Variants in TRAT1 observed in about 807,000 individuals in gnomAD.
TRAT1 encodes the protein T-cell receptor-associated transmembrane adapter 1.
TRAT1 carries 20 observed loss-of-function variants against 20.0 expected under a neutral mutation model. That is an observed-to-expected ratio of 1.00 (90% CI 0.70 to 1.45). TRAT1 has a LOEUF of 1.45. TRAT1 is among the 40% of genes most tolerant of loss of function. TRAT1 has a pLI of 0.00. For missense variants in TRAT1, 237 were observed against 224.1 expected (o/e 1.06, Z -0.37); for synonymous variants, 77 against 74.2 (o/e 1.04, Z -0.20).
At chr3:108,847,863 A>T (rs902053315) in intron 4 of TRAT1, among the ~76,000 whole-genome samples, 3 of 152,202 alleles carry the variant, frequency 2.0e-5, no homozygotes, top group African/African-American at 7.2e-5. Flanking sequence ...GAACACAGAG[A>T]CATCCAGTAA....
chr3:108,844,857 A>AG (rs1207801542), intron 3 of TRAT1, among the ~76,000 whole-genome samples: 1 of 150,132 alleles, frequency 6.7e-6, no homozygotes, highest in African/African-American at 2.4e-5. Flanking sequence ...AAAAAAAAAA[A>AG]AAAAAAAAAA....
intron 1 of TRAT1, 53 bp downstream of exon 1, chr3:108,822,987 A>T (rs1945706253): frequency 6.5e-7 from 1 of 1,538,624 alleles, no homozygotes; most frequent in Non-Finnish European, 9.0e-7. Flanking sequence ...AAATTCACTT[A>T]ATTTCTAAGT....
At chr3:108,830,907 T>C in intron 2 of TRAT1, 127 bp downstream of exon 2, 1 of 648,452 alleles carries the variant, frequency 1.5e-6, no homozygotes, top group Non-Finnish European at 2.7e-6. Flanking sequence ...CTATAGAAAA[T>C]CTATTTGCTA....
intron 3 of TRAT1, among the ~76,000 whole-genome samples, chr3:108,841,584 A>T (rs1166705021): frequency 1.3e-5 from 2 of 152,050 alleles, no homozygotes; most frequent in Non-Finnish European, 2.9e-5. Flanking sequence ...CTTCTATCGC[A>T]CTGGGTTCTC....
rs371243572 is a variant in TRAT1, at chr3:108,830,626, G to A, written c.8-44G>A. On this transcript the variant is annotated intron_variant, in intron 1 of 5. Coordinates refer to ENST00000295756, the MANE Select transcript of TRAT1 (RefSeq NM_016388.4). ...GCAATAGCCAGACCAAAACAAATGG[G>A]TAAGCAGCTGTTATATTATGTGTAT... The A allele has an allele frequency of 1.1e-3, 1,440 of 1,317,714 alleles. 28 individuals carry two copies. In the South Asian group the frequency reaches 0.016, roughly 15 times the overall value. 81.6% of individuals were successfully genotyped at this position (1,317,714 alleles called of 1,614,324 possible). A position where few individuals can be genotyped will look rare whatever the true frequency, so the allele number is the denominator to read the frequency against.
intron 3 of TRAT1, among the ~76,000 whole-genome samples, chr3:108,844,672 G>A (rs1272754696): frequency 4.6e-5 from 7 of 150,956 alleles, no homozygotes; most frequent in South Asian, 4.2e-4. Context: ...GTGAAACCCC[G>A]TCTCTACTAA....
Position 108,831,926 on chromosome 3 carries a change from C to T in TRAT1, c.118+1146C>T, listed in dbSNP as rs536273341. On this transcript the variant is annotated intron_variant, in intron 2 of 5. Transcript: ENST00000295756. ...AGAAAAGAAAAGATAAATGCATTTC[C>T]TTTTAACAGAGGAAATGAAATAAAA... Among the ~76,000 whole-genome samples, 14 of 152,128 alleles carry T rather than the reference C, an allele frequency of 9.2e-5. No individual in the cohort carries two copies. The East Asian group carries it at 2.7e-3, about 29-fold the overall frequency.
intron 3 of TRAT1, among the ~76,000 whole-genome samples, chr3:108,841,423 C>T (rs761408246): frequency 3.3e-5 from 5 of 152,080 alleles, no homozygotes; most frequent in Non-Finnish European, 5.9e-5. Flanking sequence ...GCTCCACAAA[C>T]AAACCAGTAA....
intron 2 of TRAT1, among the ~76,000 whole-genome samples, chr3:108,838,383 T>C (rs1367307024): frequency 2.0e-5 from 3 of 150,840 alleles, no homozygotes. Flanking sequence ...GATAGATAGA[T>C]AGATAGATAG....
chr3:108,830,832 G>C (rs756144745), intron 2 of TRAT1, 52 bp downstream of exon 2: 1 of 1,159,416 alleles, frequency 8.6e-7, no homozygotes, highest in South Asian at 1.2e-5. Context: ...GGAGACTATG[G>C]AGTCACTGGA....
chr3:108,825,592 G>A (rs1257321594), intron 1 of TRAT1, among the ~76,000 whole-genome samples: 2 of 152,056 alleles, frequency 1.3e-5, no homozygotes, highest in East Asian at 3.9e-4. Flanking sequence ...TTTAATTTAG[G>A]TAATATTATG....
rs1381687198 is a variant in TRAT1, at chr3:108,854,414, T to C, written c.*537T>C. On this transcript the variant is annotated 3_prime_UTR_variant, in exon 6 of 6. Transcript: ENST00000295756. ...ATATAATTTTCTTACAAAGTATTTT[T>C]CCCAAAGATAGCTTTACTATTTCAA... The C allele has an allele frequency of 1.3e-5, 2 of 152,276 alleles. No homozygotes were observed. Among genetic ancestry groups the C allele is most frequent in the Admixed American group, 1.3e-4 (2 of 15,284 alleles). 9.4% of individuals were successfully genotyped at this position (152,276 alleles called of 1,614,324 possible). A position where few individuals can be genotyped will look rare whatever the true frequency, so the allele number is the denominator to read the frequency against.
intron 4 of TRAT1, 109 bp from the exon 5 acceptor site, chr3:108,849,057 T>C: frequency 1.1e-6 from 1 of 921,510 alleles, no homozygotes; most frequent in South Asian, 1.7e-5. Context: ...GTTAAGTAAT[T>C]CTTGGGCAGT....
intron 1 of TRAT1, among the ~76,000 whole-genome samples, chr3:108,824,073 TG>T (rs1355640611): frequency 2.0e-4 from 30 of 152,320 alleles, no homozygotes; most frequent in African/African-American, 7.0e-4. Context: ...GGTTTCATTA[TG>T]TTGGCCAGGA....
chr3:108,845,531 C>T (rs899152485), intron 3 of TRAT1, among the ~76,000 whole-genome samples: 1 of 152,148 alleles, frequency 6.6e-6, no homozygotes, highest in African/African-American at 2.4e-5. Context: ...CAGATGAGTT[C>T]CTTTGTTATC....
At chr3:108,826,426 T>G (rs1019115517) in intron 1 of TRAT1, among the ~76,000 whole-genome samples, 3 of 152,166 alleles carry the variant, frequency 2.0e-5, no homozygotes, top group African/African-American at 7.2e-5. Flanking sequence ...CAGCATGGTA[T>G]TTTACTTGAA....
intron 2 of TRAT1, among the ~76,000 whole-genome samples, chr3:108,837,191 T>G (rs1353239081): frequency 6.6e-6 from 1 of 152,232 alleles, no homozygotes. Flanking sequence ...AAGACTAGTA[T>G]GAAAGTAGTT....
At position 108,850,273 on chromosome 3, in the gene TRAT1, T is replaced by C. The variant is rs147470579; in HGVS notation, c.303+1019T>C. Among the ~76,000 whole-genome samples the C allele has an allele frequency of 7.0e-3, 1,066 of 151,952 alleles. 5 individuals are homozygous for C. Among genetic ancestry groups the C allele is most frequent in the Middle Eastern group, 0.038 (11 of 292 alleles). On this transcript the variant is annotated intron_variant, in intron 5 of 5. Transcript: ENST00000295756. The stretch of plus-strand genomic sequence containing the variant: ...GAGGTAGAATTTTACTCTTTTTCTT[T>C]AGATAAATCCCCTAAGAAATCAAAC...
chr3:108,847,020 A>G (rs749812365), intron 3 of TRAT1, 48 bp from the exon 4 acceptor site: 1 of 1,194,554 alleles, frequency 8.4e-7, no homozygotes, highest in South Asian at 1.3e-5. Context: ...GTTATGAATT[A>G]TGTGAAAAGT....
Sources: allele counts gnomAD v4.1 joint callset (sites outside exome capture counted in the v4.1 genomes callset), GRCh38; gene constraint gnomAD v4.1.1; transcripts MANE v1.5; gene names NCBI Gene and HGNC (gene_info 2026-07-23, HGNC 2026-07-21).